GDAP2: variants seen among roughly 807,000 people sequenced by gnomAD.
GDAP2 encodes ganglioside-induced differentiation-associated protein 2.
GDAP2 carries 51 observed loss-of-function variants against 67.0 expected under a neutral mutation model. That is an observed-to-expected ratio of 0.76 (90% CI 0.61 to 0.96). GDAP2 has a LOEUF of 0.96. Among genes scored for constraint, GDAP2 ranks in the 40% least tolerant of loss-of-function variants. The pLI is 0.00. For synonymous variants in GDAP2, 203 were observed against 207.3 expected, an observed-to-expected ratio of 0.98 and a Z score of 0.18; for missense variants, 547 against 588.3, an observed-to-expected ratio of 0.93 and a Z score of 0.73.
At chr1:117,881,049 C>T (rs1570966983) in intron 12 of GDAP2, among the ~76,000 whole-genome samples, 1 of 152,158 alleles carries the variant, frequency 6.6e-6, no homozygotes, top group Admixed American at 6.6e-5. Flanking sequence ...GAGCTCCTTA[C>T]TGACGGTTTC....
chr1:117,881,812 A>C lies in GDAP2; in HGVS notation c.1302+11T>G, dbSNP rs1417902168. ...AAATTCTAGATTTAACCAAAGAGAA[A>C]AATACTGTACCTTTGAACGAAATGT... On this transcript the variant is annotated intron_variant, in intron 12 of 13. Coordinates refer to ENST00000369443, the MANE Select transcript of GDAP2 (RefSeq NM_017686.4). 6.9e-7 allele frequency: 1 copy of C among 1,454,566 alleles called. No homozygotes were observed. The highest frequency in any genetic ancestry group is 1.4e-5 in the African/African-American group (1 of 71,836). The allele number at this position is 1,454,566 out of a possible 1,614,324, so 90.1% of individuals were successfully genotyped here.
intron 5 of GDAP2, among the ~76,000 whole-genome samples, chr1:117,907,601 C>T (rs994025527): frequency 5.9e-5 from 9 of 152,168 alleles, no homozygotes; most frequent in African/African-American, 2.2e-4. Flanking sequence ...GTCTTTGATG[C>T]TTCCTTTACC....
At chr1:117,900,831 C>A (rs1159727777) in intron 6 of GDAP2, among the ~76,000 whole-genome samples, 3 of 150,504 alleles carry the variant, frequency 2.0e-5, no homozygotes, top group Non-Finnish European at 3.0e-5. Flanking sequence ...GAGGCCGAGG[C>A]GGACAGATCA....
Position 117,912,686 on chromosome 1 carries a change from G to A in GDAP2, c.317-3C>T, listed in dbSNP as rs760371404. 4 of 1,611,014 alleles carry A rather than the reference G, an allele frequency of 2.5e-6. No homozygotes were observed. Among genetic ancestry groups the A allele is most frequent in the Middle Eastern group, 1.7e-4 (1 of 6,046 alleles). The stretch of plus-strand genomic sequence containing the variant: ...TTTTGCTTCACCTGTTCGGCACCCT[G>A]AAAACAATGGAAACACACATAAGTT... On this transcript the variant is annotated splice_polypyrimidine_tract_variant and splice_region_variant and intron_variant, in intron 3 of 13. Coordinates refer to ENST00000369443, the MANE Select transcript of GDAP2 (RefSeq NM_017686.4).
At position 117,909,804 on chromosome 1, in the gene GDAP2, G is replaced by A. The variant is rs146561611; in HGVS notation, c.559+2190C>T. ...CAAAGTTGACCTCTTTCATAGTACT[G>A]TATCAAGTGATTTGTCTGGGGCCAC... On this transcript the variant is annotated intron_variant, in intron 5 of 13. Transcript: ENST00000369443. 2.8e-3 allele frequency among the ~76,000 whole-genome samples: 423 copies of A among 152,202 alleles called. 1 individual carries two copies. Among genetic ancestry groups the A allele is most frequent in the African/African-American group, 1.0e-2 (415 of 41,534 alleles).
chr1:117,866,847 A>C lies in GDAP2; in HGVS notation c.*3722T>G, dbSNP rs1410849549. 3.3e-5 allele frequency: 5 copies of C among 151,694 alleles called. No homozygotes were observed. The highest frequency in any genetic ancestry group is 1.2e-4 in the African/African-American group (5 of 41,330). The allele number at this position is 151,694 out of a possible 1,614,324, so 9.4% of individuals were successfully genotyped here. On this transcript the variant is annotated 3_prime_UTR_variant, in exon 14 of 14. Coordinates refer to ENST00000369443, the MANE Select transcript of GDAP2 (RefSeq NM_017686.4). ...CCAGCCTGGGTGACCAAAAAAAAAA[A>C]AAAAGTACAGTAAGGCCCTTTAAAA...
intron 1 of GDAP2, among the ~76,000 whole-genome samples, chr1:117,922,918 T>C (rs1650308536): frequency 6.6e-6 from 1 of 152,244 alleles, no homozygotes; most frequent in Non-Finnish European, 1.5e-5. Context: ...CATCCCTATC[T>C]ACACCTGCAT....
chr1:117,883,895 G>A (rs1414222772), intron 10 of GDAP2, among the ~76,000 whole-genome samples: 1 of 152,124 alleles, frequency 6.6e-6, no homozygotes, highest in East Asian at 1.9e-4. Context: ...AGAACAATCA[G>A]TCTCTATCCT....
chr1:117,871,076 T>C (rs996713677), intron 13 of GDAP2, among the ~76,000 whole-genome samples: 4 of 152,186 alleles, frequency 2.6e-5, no homozygotes, highest in African/African-American at 9.7e-5. Context: ...TTGTGTTGTC[T>C]TACTGTGTGC....
rs576302069 is a variant in GDAP2 at position 117,923,234 on chromosome 1, G to A, written c.-67-2810C>T. On this transcript the variant is annotated intron_variant, in intron 1 of 13. Transcript: ENST00000369443. ...TTGTGCAGTTAACGCAATCATCACA[G>A]GGTCCTGAGGTGACATACATCCTCA... Among the ~76,000 whole-genome samples, 4 of 152,280 alleles carry A rather than the reference G, an allele frequency of 2.6e-5. No homozygotes were observed. The East Asian group carries it at 5.8e-4, about 22-fold the overall frequency.
intron 3 of GDAP2, among the ~76,000 whole-genome samples, chr1:117,913,821 A>G (rs192406904): frequency 1.0e-3 from 158 of 152,280 alleles, no homozygotes; most frequent in African/African-American, 3.7e-3. Context: ...ATTAGGAGGT[A>G]GGGTCTTTGG....
chr1:117,921,312 AAG>A (rs1650247971), intron 1 of GDAP2, among the ~76,000 whole-genome samples: 1 of 152,242 alleles, frequency 6.6e-6, no homozygotes, highest in South Asian at 2.1e-4. Flanking sequence ...ACTGGTGAAT[AAG>A]AGCAAGTCCC....
At chr1:117,920,788 T>C (rs1203779407) in intron 1 of GDAP2, among the ~76,000 whole-genome samples, 1 of 149,588 alleles carries the variant, frequency 6.7e-6, no homozygotes. Context: ...AGATAAACCA[T>C]ATGTATAATT....
intron 5 of GDAP2, among the ~76,000 whole-genome samples, chr1:117,909,327 T>C (rs922907379): frequency 7.2e-5 from 11 of 152,166 alleles, no homozygotes; most frequent in Non-Finnish European, 1.5e-4. Flanking sequence ...GATAAATTTA[T>C]TTCAATGCAG....
intron 13 of GDAP2, among the ~76,000 whole-genome samples, chr1:117,872,950 T>G (rs371635147): frequency 8.5e-5 from 13 of 152,304 alleles, no homozygotes; most frequent in African/African-American, 3.1e-4. Context: ...AAACATGCCC[T>G]GAAGAGATGA....
intron 1 of GDAP2, among the ~76,000 whole-genome samples, chr1:117,924,304 T>A (rs906553876): frequency 3.9e-5 from 6 of 152,126 alleles, no homozygotes; most frequent in Non-Finnish European, 7.4e-5. Context: ...CTCAAGTAGG[T>A]CCTAGTGTCT....
chr1:117,885,844 G>T (rs887797178), intron 10 of GDAP2, among the ~76,000 whole-genome samples: 4 of 152,014 alleles, frequency 2.6e-5, no homozygotes, highest in Non-Finnish European at 5.9e-5. Flanking sequence ...GATGTGCTAG[G>T]ATTCTCTACA....
intron 5 of GDAP2, among the ~76,000 whole-genome samples, chr1:117,907,612 TCTTC>T (rs1649700813): frequency 6.6e-6 from 1 of 152,172 alleles, no homozygotes; most frequent in Non-Finnish European, 1.5e-5. Flanking sequence ...TTCCTTTACC[TCTTC>T]CTTCATGCTG....
rs1027335581 is a variant in GDAP2 at position 117,865,976 on chromosome 1, T to C, written c.*4593A>G. On this transcript the variant is annotated 3_prime_UTR_variant, in exon 14 of 14. Transcript: ENST00000369443. ...AATGTAAAACAAGGCAGATTATGCATATATGTGTGTGTGCATGCATGTATA... is the reference window on the plus strand; with the variant it reads ...AATGTAAAACAAGGCAGATTATGCACATATGTGTGTGTGCATGCATGTATA... 1.3e-5 allele frequency: 2 copies of C among 152,216 alleles called. No individual in the cohort carries two copies. Among genetic ancestry groups the C allele is most frequent in the African/African-American group, 4.8e-5 (2 of 41,456 alleles). The allele number at this position is 152,216 out of a possible 1,614,324, so 9.4% of individuals were successfully genotyped here.
Sources: allele counts gnomAD v4.1 joint callset (sites outside exome capture counted in the v4.1 genomes callset), GRCh38; gene constraint gnomAD v4.1.1; transcripts MANE v1.5; gene names NCBI Gene and HGNC (gene_info 2026-07-23, HGNC 2026-07-21).